Variants in ERI1 observed in about 807,000 individuals in gnomAD.
ERI1 encodes the protein 3'-5' exoribonuclease 1.
In ERI1, 39 loss-of-function variants were observed where a neutral mutation model predicts 39.7. The observed-to-expected ratio is 0.98, with a 90% CI of 0.76 to 1.28. The LOEUF (loss-of-function observed/expected upper bound fraction) is 1.28. ERI1 is among the 50% of genes most tolerant of loss of function. ERI1 has a pLI of 0.00. For missense variants in ERI1, 581 were observed against 416.9 expected (o/e 1.39, Z -3.43); for synonymous variants, 204 against 149.6 (o/e 1.36, Z -2.65).
chr8:9,044,235 G>A (rs1328360972), intron 3 of ERI1, among the ~76,000 whole-genome samples: 1 of 152,210 alleles, frequency 6.6e-6, no homozygotes, highest in African/African-American at 2.4e-5. Flanking sequence ...GCGAAAGGAT[G>A]TCCTTGTTAG....
intron 3 of ERI1, among the ~76,000 whole-genome samples, chr8:9,012,567 C>G (rs1341555730): frequency 6.6e-6 from 1 of 152,126 alleles, no homozygotes; most frequent in Non-Finnish European, 1.5e-5. Flanking sequence ...CTATAATTTT[C>G]TTATCCAAAG....
At chr8:9,022,934 C>T (rs1254423446) in intron 6 of ERI1, among the ~76,000 whole-genome samples, 8 of 152,112 alleles carry the variant, frequency 5.3e-5, no homozygotes, top group East Asian at 1.9e-4. Flanking sequence ...AATTTCATTA[C>T]GTAGCTCCAA....
At chr8:9,068,741 G>A (rs530224853) in intron 3 of ERI1, among the ~76,000 whole-genome samples, 1 of 152,330 alleles carries the variant, frequency 6.6e-6, no homozygotes, top group African/African-American at 2.4e-5. Flanking sequence ...CCTGAGAGCA[G>A]AGAGCTGGCT....
intron 6 of ERI1, among the ~76,000 whole-genome samples, chr8:9,023,189 C>T (rs1242625293): frequency 6.6e-6 from 1 of 151,774 alleles, no homozygotes; most frequent in African/African-American, 2.4e-5. Context: ...TTTTTCTTCC[C>T]TAGCAGTTTA....
chr8:9,015,739 A>AAAAAAAAAAAG (rs10704637), intron 3 of ERI1, among the ~76,000 whole-genome samples: 20 of 150,360 alleles, frequency 1.3e-4, no homozygotes, highest in African/African-American at 4.7e-4. Context: ...AAAAAAAAAA[A>AAAAAAAAAAAG]AAGAGACCAT....
intron 3 of ERI1, among the ~76,000 whole-genome samples, chr8:9,042,060 CAG>C (rs1798041302): frequency 6.6e-6 from 1 of 152,162 alleles, no homozygotes; most frequent in Admixed American, 6.5e-5. Flanking sequence ...AACAACCTAA[CAG>C]AGTACCTCAA....
At chr8:9,015,523 C>G (rs940172237) in intron 3 of ERI1, among the ~76,000 whole-genome samples, 16 of 151,928 alleles carry the variant, frequency 1.1e-4, no homozygotes, top group African/African-American at 3.9e-4. Context: ...GAGATCGAGA[C>G]CATCCTGGCT....
At chr8:9,068,558 T>A (rs1271221181) in intron 3 of ERI1, among the ~76,000 whole-genome samples, 2 of 152,268 alleles carry the variant, frequency 1.3e-5, no homozygotes, top group Admixed American at 1.3e-4. Flanking sequence ...ACTGGCCAAT[T>A]GCCATAGGGG....
intron 2 of ERI1, among the ~76,000 whole-genome samples, chr8:9,010,360 TGACACAGAG>T (rs1816533187): frequency 6.6e-6 from 1 of 152,202 alleles, no homozygotes; most frequent in Admixed American, 6.5e-5. Flanking sequence ...AGCTGTCACA[TGACACAGAG>T]GTCACTCACA....
At chr8:9,015,094 C>A (rs1256202235) in intron 3 of ERI1, among the ~76,000 whole-genome samples, 1 of 152,160 alleles carries the variant, frequency 6.6e-6, no homozygotes, top group Non-Finnish European at 1.5e-5. Context: ...CCCTTGGCCT[C>A]CCAGAGTGCT....
intron 3 of ERI1, among the ~76,000 whole-genome samples, chr8:9,069,531 A>G (rs1009630257): frequency 6.6e-6 from 1 of 152,224 alleles, no homozygotes; most frequent in South Asian, 2.1e-4. Context: ...TATTTTGAGA[A>G]GTATAAACAA....
intron 1 of ERI1, among the ~76,000 whole-genome samples, chr8:9,007,132 G>A (rs1042478432): frequency 1.3e-5 from 2 of 152,186 alleles, no homozygotes; most frequent in Admixed American, 1.3e-4. Context: ...GAGACTGCCT[G>A]TGGAGAAAAT....
At position 9,068,065 on chromosome 8, in the gene ERI1, G is replaced by A. The variant is rs1216361565; in HGVS notation, n.299+47601G>A. Among the ~76,000 whole-genome samples, 74 of 152,188 alleles carry A rather than the reference G, an allele frequency of 4.9e-4. 1 individual carries two copies. Among genetic ancestry groups the A allele is most frequent in the Admixed American group, 4.8e-3 (74 of 15,272 alleles). On this transcript the variant is annotated intron_variant and non_coding_transcript_variant, in intron 3 of 3. Coordinates refer to the ERI1 transcript ENST00000518663. ...TGCTCAAAGCTTTATGGCTAAAAAA[G>A]TGGAGGAAGCAGAGAACATATATTT...
chr8:9,010,330 A>G (rs1816529193), intron 2 of ERI1, among the ~76,000 whole-genome samples: 1 of 152,244 alleles, frequency 6.6e-6, no homozygotes, highest in East Asian at 1.9e-4. Flanking sequence ...ATAAAAAGAT[A>G]AAAAAAGAAA....
intron 6 of ERI1, among the ~76,000 whole-genome samples, chr8:9,022,420 A>T (rs1818007053): frequency 6.6e-6 from 1 of 152,064 alleles, no homozygotes. Flanking sequence ...TTTGTCTTTG[A>T]GATGAAGTCT....
chr8:9,041,801 C>G (rs1398884847), intron 3 of ERI1, among the ~76,000 whole-genome samples: 1 of 152,182 alleles, frequency 6.6e-6, no homozygotes, highest in Non-Finnish European at 1.5e-5. Context: ...GTGGCGTGAT[C>G]TCGGCTGACT....
chr8:9,054,875 C>T (rs2117381865), intron 3 of ERI1, among the ~76,000 whole-genome samples: 1 of 152,324 alleles, frequency 6.6e-6, no homozygotes, highest in East Asian at 1.9e-4. Context: ...CTGCAGTGGG[C>T]AGAGATCGTG....
At chr8:9,034,399 G>A (rs1322470764), downstream of ERI1, among the ~76,000 whole-genome samples, 1 of 152,214 alleles carries the variant, frequency 6.6e-6, no homozygotes, top group East Asian at 1.9e-4. Flanking sequence ...TGAATCCTGT[G>A]TGGAGAAAGT....
At chr8:9,008,687 A>G (rs1333577408) in intron 2 of ERI1, among the ~76,000 whole-genome samples, 1 of 152,232 alleles carries the variant, frequency 6.6e-6, no homozygotes, top group African/African-American at 2.4e-5. Flanking sequence ...TTAATGAGAT[A>G]TACACATACC....
Sources: allele counts gnomAD v4.1 joint callset (sites outside exome capture counted in the v4.1 genomes callset), GRCh38; gene constraint gnomAD v4.1.1; transcripts MANE v1.5; gene names NCBI Gene and HGNC (gene_info 2026-07-23, HGNC 2026-07-21).